NUP37: variants seen among roughly 807,000 people sequenced by gnomAD.
NUP37 encodes the protein nucleoporin Nup37.
In NUP37, 33 loss-of-function variants were observed where a neutral mutation model predicts 45.4. That is an observed-to-expected ratio of 0.73 (90% CI 0.55 to 0.97). The LOEUF (loss-of-function observed/expected upper bound fraction) is 0.97. NUP37 is among the 50% of genes least tolerant of loss of function. The probability of loss-of-function intolerance (pLI) is 0.00; values close to 1 mark genes in which losing one functional copy is unlikely to be tolerated. For missense variants in NUP37, 365 were observed against 389.7 expected, an observed-to-expected ratio of 0.94 and a Z score of 0.53; for synonymous variants, 127 against 130.7, an observed-to-expected ratio of 0.97 and a Z score of 0.19.
At chr12:102,078,840 A>T (rs1879255955) in intron 6 of NUP37, among the ~76,000 whole-genome samples, 1 of 152,236 alleles carries the variant, frequency 6.6e-6, no homozygotes. Flanking sequence ...TTTATGTGTG[A>T]AATACTTTAT....
At chr12:102,109,884 T>G (rs1880261668) in intron 3 of NUP37, among the ~76,000 whole-genome samples, 1 of 152,194 alleles carries the variant, frequency 6.6e-6, no homozygotes. Flanking sequence ...TTTCCACAGC[T>G]TTAAAAATTT....
chr12:102,104,040 T>C (rs922914201), intron 3 of NUP37, among the ~76,000 whole-genome samples: 2 of 152,306 alleles, frequency 1.3e-5, no homozygotes, highest in Admixed American at 1.3e-4. Context: ...GAGGAACCTT[T>C]GGAATGTTTT....
intron 5 of NUP37, among the ~76,000 whole-genome samples, chr12:102,089,687 C>T (rs1360437141): frequency 4.0e-4 from 57 of 143,538 alleles, no homozygotes; most frequent in Non-Finnish European, 6.2e-4. Context: ...ACGGGGCAGC[C>T]GGGCAGAGGC....
chr12:102,074,426 G>C lies in NUP37; in HGVS notation c.909C>G (p.Ser303=). 2 of 1,612,708 alleles carry C rather than the reference G, an allele frequency of 1.2e-6. No homozygotes were observed. The highest frequency in any genetic ancestry group is 1.7e-6 in the Non-Finnish European group (2 of 1,179,216). The change falls in exon 10 of 10, where the codon TCC becomes TCG. Residue 303 remains serine, a synonymous_variant. Coordinates refer to ENST00000552283, the MANE Select transcript of NUP37 (RefSeq NM_024057.4). ...CACACAGAGGGAGAGTTCGATGCCAGGACAGTCCAGATCCAACGGCTACAG... is the reference window on the plus strand; with the variant it reads ...CACACAGAGGGAGAGTTCGATGCCACGACAGTCCAGATCCAACGGCTACAG... The part of the protein sequence containing the change: ...MGSVAVGSGL[S]WHRTLPLCVI...
intron 3 of NUP37, among the ~76,000 whole-genome samples, chr12:102,103,398 A>G (rs1237124587): frequency 6.6e-6 from 1 of 152,154 alleles, no homozygotes; most frequent in Non-Finnish European, 1.5e-5. Context: ...GTTCATTGTT[A>G]GTATATTAGA....
chr12:102,117,120 T>A (rs1594403766), intron 2 of NUP37, among the ~76,000 whole-genome samples: 1 of 152,166 alleles, frequency 6.6e-6, no homozygotes, highest in Admixed American at 6.5e-5. Flanking sequence ...ACTTCCAAAT[T>A]ACCGTGCTCA....
intron 6 of NUP37, among the ~76,000 whole-genome samples, chr12:102,081,138 G>A (rs1879318948): frequency 6.6e-6 from 1 of 152,158 alleles, no homozygotes; most frequent in African/African-American, 2.4e-5. Context: ...CTACTTGATA[G>A]GACTATTGGG....
At chr12:102,098,040 T>C (rs992378090) in intron 5 of NUP37, among the ~76,000 whole-genome samples, 3 of 152,228 alleles carry the variant, frequency 2.0e-5, no homozygotes, top group African/African-American at 7.2e-5. Flanking sequence ...TAAGTACTAA[T>C]AAATACTAAG....
At chr12:102,103,677 A>G (rs1316871443) in intron 3 of NUP37, among the ~76,000 whole-genome samples, 1 of 152,206 alleles carries the variant, frequency 6.6e-6, no homozygotes, top group Non-Finnish European at 1.5e-5. Flanking sequence ...ATTCACCATG[A>G]TCAAGTGGGA....
At chr12:102,093,047 C>G (rs1879706170) in intron 5 of NUP37, among the ~76,000 whole-genome samples, 1 of 151,744 alleles carries the variant, frequency 6.6e-6, no homozygotes, top group South Asian at 2.1e-4. Context: ...GACTTCAGAG[C>G]AAGAATTAAA....
Position 102,099,124 on chromosome 12 carries a change from C to T in NUP37, c.431G>A (p.Ser144Asn). The T allele has an allele frequency of 2.5e-6, 4 of 1,609,280 alleles. No homozygotes were observed. The highest frequency in any genetic ancestry group is 3.4e-6 in the Non-Finnish European group (4 of 1,175,702). The change falls in exon 5 of 10, where the codon AGT (serine) becomes AAT (asparagine). Residue 144 changes from serine to asparagine, a missense_variant. Transcript: ENST00000552283. ...PKEGQEIASV[S>N]DDHTCRIWNL... ...AACATACCTGCAGGTGTGATCGTCA[C>T]TCACACTTGCAATTTCTTGGCCTTC...
At chr12:102,097,835 T>C (rs544764635) in intron 5 of NUP37, among the ~76,000 whole-genome samples, 2 of 152,196 alleles carry the variant, frequency 1.3e-5, no homozygotes, top group South Asian at 4.2e-4. Flanking sequence ...CCTGGGGCCC[T>C]AGAATCTTAA....
chr12:102,110,375 C>T (rs1252795893), intron 3 of NUP37, among the ~76,000 whole-genome samples: 3 of 150,556 alleles, frequency 2.0e-5, no homozygotes, highest in Admixed American at 6.6e-5. Flanking sequence ...GTGGTGCATG[C>T]CTGTAGTTCC....
chr12:102,093,311 CTTGTAA>C (rs1295947799), intron 5 of NUP37, among the ~76,000 whole-genome samples: 1 of 151,976 alleles, frequency 6.6e-6, no homozygotes, highest in Non-Finnish European at 1.5e-5. Flanking sequence ...ATTTTGATTT[CTTGTAA>C]TTGTAAACAA....
intron 1 of NUP37, chr12:102,118,917 T>A (rs1003137102): frequency 2.9e-5 from 5 of 169,642 alleles, no homozygotes; most frequent in African/African-American, 1.2e-4. Flanking sequence ...TATGAACCAC[T>A]ATTTGTAGGT....
At chr12:102,103,091 TC>T (rs1331429034) in intron 3 of NUP37, among the ~76,000 whole-genome samples, 1 of 152,156 alleles carries the variant, frequency 6.6e-6, no homozygotes, top group Non-Finnish European at 1.5e-5. Flanking sequence ...TTTTATAATT[TC>T]ATATAAATTT....
At chr12:102,109,399 T>C (rs1381928003) in intron 3 of NUP37, among the ~76,000 whole-genome samples, 1 of 152,082 alleles carries the variant, frequency 6.6e-6, no homozygotes, top group Non-Finnish European at 1.5e-5. Flanking sequence ...TAGAATACTA[T>C]AAAAAAGCAA....
chr12:102,073,834 T>A lies in NUP37; in HGVS notation c.*520A>T, dbSNP rs1479658754. 2.6e-5 allele frequency: 4 copies of A among 152,010 alleles called. No homozygotes were observed. Among genetic ancestry groups the A allele is most frequent in the Non-Finnish European group, 5.9e-5 (4 of 68,002 alleles). 9.4% of individuals were successfully genotyped at this position (152,010 alleles called of 1,614,324 possible). Reference sequence around the variant, plus strand: ...CAAACCATGCTTGGCTAATTTTTTTTATTTTTATTTTTTTAGTAGAGATAG... The same window carrying A: ...CAAACCATGCTTGGCTAATTTTTTTAATTTTTATTTTTTTAGTAGAGATAG... On this transcript the variant is annotated 3_prime_UTR_variant, in exon 10 of 10. Transcript: ENST00000552283.
chr12:102,082,842 G>C (rs934959332), intron 6 of NUP37, among the ~76,000 whole-genome samples: 5 of 152,150 alleles, frequency 3.3e-5, no homozygotes, highest in Non-Finnish European at 5.9e-5. Context: ...GAAAAGAAAG[G>C]GGGAGAATGC....
Sources: allele counts gnomAD v4.1 joint callset (sites outside exome capture counted in the v4.1 genomes callset), GRCh38; gene constraint gnomAD v4.1.1; transcripts MANE v1.5; gene names NCBI Gene and HGNC (gene_info 2026-07-23, HGNC 2026-07-21).